The following C10orf90 variants were observed in gnomAD, a reference collection of about 807,000 sequenced individuals.
C10orf90 encodes the protein (E2-independent) E3 ubiquitin-conjugating enzyme FATS.
C10orf90 carries 56 observed loss-of-function variants against 62.5 expected under a neutral mutation model. That is an observed-to-expected ratio of 0.90 (90% CI 0.72 to 1.12). The LOEUF is 1.12. Among genes scored for constraint, C10orf90 ranks in the 50% most tolerant of loss-of-function variants. C10orf90 has a pLI of 0.00. For synonymous variants in C10orf90, 386 were observed against 340.4 expected (o/e 1.13, Z -1.47); for missense variants, 970 against 880.4 (o/e 1.10, Z -1.29).
intron 4 of C10orf90, among the ~76,000 whole-genome samples, chr10:126,479,691 T>G (rs1017193914): frequency 3.9e-5 from 6 of 152,214 alleles, no homozygotes; most frequent in Middle Eastern, 3.2e-3. Flanking sequence ...CTTTCTCCCA[T>G]TAAGGCTAAT....
intron 2 of C10orf90, among the ~76,000 whole-genome samples, chr10:126,624,054 G>A (rs575838195): frequency 4.3e-4 from 65 of 151,974 alleles, no homozygotes; most frequent in Non-Finnish European, 8.4e-4. Flanking sequence ...ATAGGTATCA[G>A]AATCCAACTG....
intron 2 of C10orf90, among the ~76,000 whole-genome samples, chr10:126,526,610 A>G (rs1409364958): frequency 6.6e-6 from 1 of 152,118 alleles, no homozygotes; most frequent in Non-Finnish European, 1.5e-5. Context: ...ACCCTTTTAA[A>G]GTGCACAATT....
intron 2 of C10orf90, among the ~76,000 whole-genome samples, chr10:126,580,158 T>C (rs1392612034): frequency 2.6e-5 from 4 of 152,144 alleles, no homozygotes; most frequent in Non-Finnish European, 5.9e-5. Context: ...GAGAGGGGCA[T>C]AGGGTCTGGT....
chr10:126,462,264 C>T (rs549349611), intron 5 of C10orf90, among the ~76,000 whole-genome samples: 22 of 152,208 alleles, frequency 1.4e-4, no homozygotes, highest in African/African-American at 5.1e-4. Context: ...CTTAGCTCAC[C>T]CCTCCCATAT....
At chr10:126,527,181 G>T (rs1863975319) in intron 2 of C10orf90, among the ~76,000 whole-genome samples, 1 of 152,134 alleles carries the variant, frequency 6.6e-6, no homozygotes, top group Admixed American at 6.5e-5. Context: ...TCCCACCAGC[G>T]ATGTATGAGG....
intron 2 of C10orf90, among the ~76,000 whole-genome samples, chr10:126,609,418 G>A (rs1461991340): frequency 6.6e-6 from 1 of 152,120 alleles, no homozygotes; most frequent in Non-Finnish European, 1.5e-5. Context: ...AACAAAAAAG[G>A]TATGTGAATC....
At chr10:126,629,530 C>G (rs1166153154) in intron 2 of C10orf90, among the ~76,000 whole-genome samples, 1 of 152,176 alleles carries the variant, frequency 6.6e-6, no homozygotes, top group East Asian at 1.9e-4. Flanking sequence ...ACAGAGCTAC[C>G]AGCTGCCTGA....
chr10:126,610,316 T>C (rs1845405626), intron 2 of C10orf90, among the ~76,000 whole-genome samples: 1 of 152,224 alleles, frequency 6.6e-6, no homozygotes, highest in African/African-American at 2.4e-5. Context: ...CAACTCCTCC[T>C]GACCCTCTAC....
intron 2 of C10orf90, among the ~76,000 whole-genome samples, chr10:126,626,470 G>A (rs1471531169): frequency 1.3e-5 from 2 of 152,182 alleles, no homozygotes; most frequent in Non-Finnish European, 2.9e-5. Context: ...GACGCTTGGG[G>A]TCAGTGCAAG....
chr10:126,657,006 C>CCA (rs1473873736), intron 1 of C10orf90, among the ~76,000 whole-genome samples: 1 of 152,124 alleles, frequency 6.6e-6, no homozygotes, highest in African/African-American at 2.4e-5. Context: ...GACAACCATC[C>CCA]CAGGCATTCA....
At chr10:126,577,416 A>G (rs575417984) in intron 2 of C10orf90, among the ~76,000 whole-genome samples, 2 of 152,080 alleles carry the variant, frequency 1.3e-5, no homozygotes, top group East Asian at 1.9e-4. Context: ...AAAACAAAAA[A>G]AAAATCTTAT....
At chr10:126,610,950 T>C (rs1036118150) in intron 2 of C10orf90, among the ~76,000 whole-genome samples, 2 of 152,214 alleles carry the variant, frequency 1.3e-5, no homozygotes, top group East Asian at 3.9e-4. Flanking sequence ...TTTTTTTGTC[T>C]TTTATTTATG....
intron 2 of C10orf90, among the ~76,000 whole-genome samples, chr10:126,530,554 CT>C (rs1864066152): frequency 2.6e-5 from 4 of 151,716 alleles, no homozygotes; most frequent in African/African-American, 9.7e-5. Flanking sequence ...ATTAGGACCC[CT>C]ATATCTATTA....
At chr10:126,663,580 C>A (rs1235247253) in intron 1 of C10orf90, among the ~76,000 whole-genome samples, 4 of 152,154 alleles carry the variant, frequency 2.6e-5, no homozygotes, top group Non-Finnish European at 5.9e-5. Context: ...CGTCTCTCAG[C>A]TCTCCTTGCA....
At chr10:126,509,418 A>C (rs1311938902) in intron 3 of C10orf90, among the ~76,000 whole-genome samples, 1 of 152,226 alleles carries the variant, frequency 6.6e-6, no homozygotes, top group African/African-American at 2.4e-5. Context: ...GTTCACATCA[A>C]AGTGATACCA....
chr10:126,653,365 T>TAGAA (rs1454930787), intron 1 of C10orf90, among the ~76,000 whole-genome samples: 31 of 152,236 alleles, frequency 2.0e-4, no homozygotes, highest in African/African-American at 6.0e-4. Context: ...AACAAATTTA[T>TAGAA]AGAATATTCT....
chr10:126,582,039 T>C (rs776500221), intron 2 of C10orf90, among the ~76,000 whole-genome samples: 1 of 152,138 alleles, frequency 6.6e-6, no homozygotes, highest in African/African-American at 2.4e-5. Context: ...TTCCTGACCA[T>C]GAGAGGAACA....
At chr10:126,448,445 C>T (rs953255762) in intron 7 of C10orf90, among the ~76,000 whole-genome samples, 3 of 152,052 alleles carry the variant, frequency 2.0e-5, no homozygotes, top group Non-Finnish European at 4.4e-5. Flanking sequence ...TCTCAAACAA[C>T]CTACTGCTAC....
chr10:126,650,101 G>T (rs1389342189), intron 1 of C10orf90, among the ~76,000 whole-genome samples: 1 of 152,096 alleles, frequency 6.6e-6, no homozygotes, highest in East Asian at 1.9e-4. Context: ...GATTTATGTG[G>T]CACTCTTTTT....
Sources: gnomAD v4.1 joint callset for allele counts (sites outside exome capture counted in the v4.1 genomes callset) on GRCh38, gnomAD v4.1.1 for gene constraint, MANE v1.5 for transcripts, NCBI Gene and HGNC (gene_info 2026-07-23, HGNC 2026-07-21) for gene names.